Variants in DACH1 observed in about 807,000 individuals in gnomAD.
DACH1 encodes the protein dachshund family transcription factor 1.
DACH1 carries 12 observed loss-of-function variants against 54.2 expected under a neutral mutation model. The observed-to-expected ratio is 0.22, with a 90% CI of 0.14 to 0.36. DACH1 has a LOEUF of 0.36. DACH1 is among the 10% of genes least tolerant of loss of function. The probability of loss-of-function intolerance (pLI) is 1.00; values close to 1 mark genes in which losing one functional copy is unlikely to be tolerated. For synonymous variants in DACH1, 386 were observed against 366.2 expected (o/e 1.05, Z -0.62); for missense variants, 805 against 929.8 (o/e 0.87, Z 1.75).
intron 1 of DACH1, among the ~76,000 whole-genome samples, chr13:71,806,046 A>AT (rs1887486647): frequency 6.6e-6 from 1 of 152,160 alleles, no homozygotes; most frequent in Non-Finnish European, 1.5e-5. Context: ...ACCTCAGGTG[A>AT]TCCGCCCACC....
At chr13:71,594,361 G>T (rs1328841511) in intron 3 of DACH1, among the ~76,000 whole-genome samples, 1 of 151,932 alleles carries the variant, frequency 6.6e-6, no homozygotes, top group Non-Finnish European at 1.5e-5. Context: ...ATAATTGCAT[G>T]CTCAGAGATT....
intron 1 of DACH1, among the ~76,000 whole-genome samples, chr13:71,799,044 G>A (rs1420970442): frequency 2.0e-5 from 3 of 151,974 alleles, no homozygotes; most frequent in African/African-American, 7.2e-5. Flanking sequence ...AACCTGTTTT[G>A]AGGAAGCTAA....
intron 7 of DACH1, among the ~76,000 whole-genome samples, chr13:71,484,504 T>A (rs1369049732): frequency 6.6e-6 from 1 of 152,114 alleles, no homozygotes; most frequent in Non-Finnish European, 1.5e-5. Context: ...ATGTTTTAGG[T>A]CTTTCTTGTT....
chr13:71,463,228 C>T (rs561431155), intron 10 of DACH1, among the ~76,000 whole-genome samples: 1 of 151,920 alleles, frequency 6.6e-6, no homozygotes, highest in South Asian at 2.1e-4. Context: ...TATTGTGTAA[C>T]TGATTTATTA....
intron 4 of DACH1, among the ~76,000 whole-genome samples, chr13:71,570,926 T>A (rs778725536): frequency 4.6e-5 from 7 of 152,172 alleles, no homozygotes; most frequent in Admixed American, 2.0e-4. Context: ...AACTATTTTT[T>A]AAAATATGTG....
intron 1 of DACH1, chr13:71,846,448 C>A (rs1457475005): frequency 6.5e-6 from 1 of 152,756 alleles, no homozygotes; most frequent in Non-Finnish European, 1.5e-5. Context: ...CGGAGCGCAG[C>A]CTGGCCAACA....
At chr13:71,801,681 C>A (rs1334310668) in intron 1 of DACH1, among the ~76,000 whole-genome samples, 1 of 152,018 alleles carries the variant, frequency 6.6e-6, no homozygotes, top group East Asian at 1.9e-4. Flanking sequence ...TATTTATGAG[C>A]TGCTAATATT....
chr13:71,829,233 A>G (rs1303181210), intron 1 of DACH1, among the ~76,000 whole-genome samples: 1 of 151,934 alleles, frequency 6.6e-6, no homozygotes, highest in Non-Finnish European at 1.5e-5. Flanking sequence ...TATTGAAGTC[A>G]TCATCGGGCT....
chr13:71,657,475 TG>T lies in DACH1; in HGVS notation c.964+24319del, dbSNP rs543066412. 1.5e-3 allele frequency among the ~76,000 whole-genome samples: 223 copies of T among 151,492 alleles called. 2 individuals are homozygous for T. The highest frequency in any genetic ancestry group is 2.7e-3 in the Non-Finnish European group (181 of 67,946). On this transcript the variant is annotated intron_variant, in intron 2 of 10. Coordinates refer to ENST00000613252, the MANE Select transcript of DACH1 (RefSeq NM_080759.6). ...GTGATCACACCACTGCACTCCAGTCTGGGTGACAGACTGAGACCCTGTCTCA... is the reference window on the plus strand; with the variant it reads ...GTGATCACACCACTGCACTCCAGTCTGGTGACAGACTGAGACCCTGTCTCA...
At chr13:71,510,892 C>T (rs543297147) in intron 6 of DACH1, among the ~76,000 whole-genome samples, 1 of 151,868 alleles carries the variant, frequency 6.6e-6, no homozygotes, top group South Asian at 2.1e-4. Context: ...GTAACTCTCA[C>T]AAAAATGTTG....
intron 1 of DACH1, among the ~76,000 whole-genome samples, chr13:71,713,365 G>A (rs181202527): frequency 8.7e-4 from 132 of 152,146 alleles, no homozygotes; most frequent in Admixed American, 2.9e-3. Flanking sequence ...TGGTCTAAAC[G>A]TGCATAAAAC....
At chr13:71,462,861 T>A (rs1451268181) in intron 10 of DACH1, among the ~76,000 whole-genome samples, 1 of 133,182 alleles carries the variant, frequency 7.5e-6, no homozygotes, top group East Asian at 2.2e-4. Flanking sequence ...AGGTCTAGAA[T>A]CTATCTATCT....
At chr13:71,451,010 C>A (rs906131837) in intron 10 of DACH1, among the ~76,000 whole-genome samples, 35 of 152,076 alleles carry the variant, frequency 2.3e-4, no homozygotes, top group African/African-American at 8.2e-4. Flanking sequence ...AACTGTATTA[C>A]CATAACAACA....
intron 3 of DACH1, among the ~76,000 whole-genome samples, chr13:71,628,829 T>C (rs2138564308): frequency 6.6e-6 from 1 of 152,246 alleles, no homozygotes; most frequent in Middle Eastern, 3.4e-3. Flanking sequence ...CCTGTTGATT[T>C]CTGCAAAGCC....
At chr13:71,574,728 A>G (rs1390288373) in intron 3 of DACH1, among the ~76,000 whole-genome samples, 2 of 152,068 alleles carry the variant, frequency 1.3e-5, no homozygotes, top group Non-Finnish European at 2.9e-5. Flanking sequence ...AATGAAAAGA[A>G]TCAATTAAAA....
At chr13:71,636,990 TCTCA>T (rs1169386315) in intron 2 of DACH1, among the ~76,000 whole-genome samples, 3 of 152,188 alleles carry the variant, frequency 2.0e-5, no homozygotes, top group Admixed American at 2.0e-4. Context: ...TTACTTTTAT[TCTCA>T]CTTTTTGATA....
At chr13:71,491,304 T>C (rs1168610392) in intron 6 of DACH1, among the ~76,000 whole-genome samples, 2 of 152,170 alleles carry the variant, frequency 1.3e-5, no homozygotes, top group Non-Finnish European at 2.9e-5. Context: ...TAGCCACTAA[T>C]ACAGTTTTCC....
At chr13:71,832,080 T>C (rs7335778) in intron 1 of DACH1, among the ~76,000 whole-genome samples, 1,528 of 152,056 alleles carry the variant, frequency 0.01, 25 homozygotes, top group Non-Finnish European at 0.013. Flanking sequence ...CTAGGTATTG[T>C]CTTTGAACGC....
intron 3 of DACH1, among the ~76,000 whole-genome samples, chr13:71,629,989 T>C (rs1035062377): frequency 3.3e-5 from 5 of 152,118 alleles, no homozygotes; most frequent in Non-Finnish European, 7.4e-5. Flanking sequence ...TAACTTTTCA[T>C]CTTTCTCCAT....
Sources: allele counts gnomAD v4.1 joint callset (sites outside exome capture counted in the v4.1 genomes callset), GRCh38; gene constraint gnomAD v4.1.1; transcripts MANE v1.5; gene names NCBI Gene and HGNC (gene_info 2026-07-23, HGNC 2026-07-21).